Variants in TRAM1 observed in about 807,000 individuals in gnomAD.
TRAM1 encodes translocating chain-associated membrane protein 1.
TRAM1 carries 17 observed loss-of-function variants against 48.7 expected under a neutral mutation model. The ratio of observed to expected loss-of-function variants is 0.35; its 90% CI spans 0.24 to 0.52. TRAM1 has a LOEUF of 0.52. Among genes scored for constraint, TRAM1 ranks in the 20% least tolerant of loss-of-function variants. TRAM1 has a pLI of 0.94. For synonymous variants in TRAM1, 182 were observed against 154.0 expected, an observed-to-expected ratio of 1.18 and a Z score of -1.34; for missense variants, 351 against 441.5, an observed-to-expected ratio of 0.79 and a Z score of 1.84.
In TRAM1 at chr8:70,580,453, C is replaced by A. The variant is rs80000260; in HGVS notation, c.1051+2711G>T. On this transcript the variant is annotated intron_variant, in intron 10 of 10. Coordinates refer to ENST00000262213, the MANE Select transcript of TRAM1 (RefSeq NM_014294.6). ...AACAGAAAAAAATGACAAAACCCCACAAGGTTATCTCAATAGATGCAGGAA... is the reference window on the plus strand; with the variant it reads ...AACAGAAAAAAATGACAAAACCCCAAAAGGTTATCTCAATAGATGCAGGAA... Among the ~76,000 whole-genome samples the A allele has an allele frequency of 5.3e-3, 810 of 152,202 alleles. 10 individuals carry two copies. The highest frequency in any genetic ancestry group is 0.019 in the African/African-American group (777 of 41,540).
chr8:70,576,843 G>A (rs1274102600), intron 10 of TRAM1, among the ~76,000 whole-genome samples: 3 of 152,158 alleles, frequency 2.0e-5, no homozygotes, highest in Admixed American at 6.5e-5. Flanking sequence ...GTAGTTCTTC[G>A]GTGTTCAGGA....
chr8:70,576,920 C>T (rs1243066980), intron 10 of TRAM1, among the ~76,000 whole-genome samples: 2 of 152,160 alleles, frequency 1.3e-5, no homozygotes, highest in Non-Finnish European at 2.9e-5. Context: ...CTGCTCCTGG[C>T]GTCTGCTAGT....
At chr8:70,589,749 G>A (rs768328317) in intron 6 of TRAM1, among the ~76,000 whole-genome samples, 3 of 152,130 alleles carry the variant, frequency 2.0e-5, no homozygotes, top group Non-Finnish European at 4.4e-5. Flanking sequence ...GAAGTAGTAG[G>A]ATTGCTTAAG....
chr8:70,583,545 TC>T (rs1231085718), intron 9 of TRAM1, 104 bp downstream of exon 9: 8 of 1,455,578 alleles, frequency 5.5e-6, no homozygotes, highest in Non-Finnish European at 6.5e-6. Context: ...ATGAGTATTT[TC>T]CCCAACCTCA....
rs763446789 is a variant in TRAM1 at position 70,597,921 on chromosome 8, C to T, written c.400G>A (p.Val134Ile). ...QLSAFYLFACVWGTFILISEN... is the reference protein window; with the variant it reads ...QLSAFYLFACIWGTFILISEN... ...GAGATGAGAATGAATGTGCCCCAAA[C>T]ACAGGCAAAAAGGTAGAACGCACTA... The change falls in exon 4 of 11, where the codon GTT (valine) becomes ATT (isoleucine). Residue 134 changes from valine to isoleucine, a missense_variant. Transcript: ENST00000262213. 15 of 1,599,628 alleles carry T rather than the reference C, an allele frequency of 9.4e-6. No individual in the cohort carries two copies. Among genetic ancestry groups the T allele is most frequent in the Admixed American group, 1.7e-5 (1 of 59,584 alleles).
intron 9 of TRAM1, 21 bp from the exon 10 acceptor site, chr8:70,583,345 A>G: frequency 6.2e-7 from 1 of 1,606,846 alleles, no homozygotes; most frequent in Non-Finnish European, 8.5e-7. Context: ...TTAAGACATA[A>G]AAAGTTAGTG....
At chr8:70,589,829 A>G (rs1461895227) in intron 6 of TRAM1, among the ~76,000 whole-genome samples, 1 of 152,232 alleles carries the variant, frequency 6.6e-6, no homozygotes, top group Non-Finnish European at 1.5e-5. Flanking sequence ...TGGGTGATAG[A>G]GCAAGACCTT....
At chr8:70,597,166 A>G (rs977275674) in intron 4 of TRAM1, among the ~76,000 whole-genome samples, 6 of 152,336 alleles carry the variant, frequency 3.9e-5, no homozygotes, top group Non-Finnish European at 7.4e-5. Context: ...GATTGTTATC[A>G]CTAATATTAA....
intron 1 of TRAM1, chr8:70,607,141 G>A (rs2132051042): frequency 1.0e-6 from 1 of 984,672 alleles, no homozygotes; most frequent in Non-Finnish European, 1.2e-6. Context: ...AAAGGAATGA[G>A]CGTGTGTATT....
chr8:70,594,084 G>C (rs1482843983), intron 6 of TRAM1, among the ~76,000 whole-genome samples: 1 of 152,010 alleles, frequency 6.6e-6, no homozygotes, highest in East Asian at 1.9e-4. Flanking sequence ...TTCCAATACT[G>C]AATTTTGCTT....
At chr8:70,606,065 C>T (rs1817711952) in intron 1 of TRAM1, among the ~76,000 whole-genome samples, 1 of 152,132 alleles carries the variant, frequency 6.6e-6, no homozygotes, top group Non-Finnish European at 1.5e-5. Context: ...GGAATTCTTA[C>T]CATGTGGAGA....
At chr8:70,581,632 A>T (rs1255466782) in intron 10 of TRAM1, among the ~76,000 whole-genome samples, 1 of 152,226 alleles carries the variant, frequency 6.6e-6, no homozygotes, top group Non-Finnish European at 1.5e-5. Context: ...GAGAATGAAA[A>T]CACATGTTTG....
chr8:70,599,404 GCTAGTTAA>G (rs1300004694), intron 2 of TRAM1, among the ~76,000 whole-genome samples: 1 of 152,144 alleles, frequency 6.6e-6, no homozygotes, highest in East Asian at 1.9e-4. Context: ...CCTCACCCAT[GCTAGTTAA>G]TTATATCACT....
intron 1 of TRAM1, among the ~76,000 whole-genome samples, chr8:70,600,580 C>T (rs1460123567): frequency 6.6e-6 from 1 of 152,108 alleles, no homozygotes; most frequent in African/African-American, 2.4e-5. Context: ...TAAAAGTAAA[C>T]TGGTCAGAGC....
rs1043024 is a variant in TRAM1, at chr8:70,573,851, G to A, written c.*1081C>T. 0.068 allele frequency: 10,289 copies of A among 151,870 alleles called. 510 individuals are homozygous for A. Among genetic ancestry groups the A allele is most frequent in the Non-Finnish European group, 0.094 (6,414 of 67,878 alleles). 9.4% of individuals were successfully genotyped at this position (151,870 alleles called of 1,614,324 possible). ...ATGCTTTTTAGAGCCTTTCTGTAGA[G>A]ATACAAATATATATATATATATTTA... On this transcript the variant is annotated 3_prime_UTR_variant, in exon 11 of 11. Transcript: ENST00000262213.
intron 10 of TRAM1, among the ~76,000 whole-genome samples, chr8:70,575,299 TAAAG>T (rs550305596): frequency 4.3e-4 from 65 of 152,342 alleles, no homozygotes; most frequent in Middle Eastern, 6.8e-3. Flanking sequence ...TCTGTAGAAA[TAAAG>T]AAACTTTTCA....
intron 1 of TRAM1, among the ~76,000 whole-genome samples, chr8:70,601,949 C>T (rs1422474031): frequency 6.6e-6 from 1 of 151,996 alleles, no homozygotes; most frequent in Non-Finnish European, 1.5e-5. Flanking sequence ...ATACATAAAT[C>T]ATATATGGAG....
chr8:70,584,328 G>A (rs1169387055), intron 8 of TRAM1, among the ~76,000 whole-genome samples: 3 of 152,146 alleles, frequency 2.0e-5, no homozygotes, highest in African/African-American at 7.2e-5. Flanking sequence ...GTGTTATAAA[G>A]AACAGGATGC....
chr8:70,592,578 G>A (rs1178780873), intron 6 of TRAM1, among the ~76,000 whole-genome samples: 1 of 152,180 alleles, frequency 6.6e-6, no homozygotes, highest in African/African-American at 2.4e-5. Flanking sequence ...GGCAGGAACT[G>A]ATAAGAAAAG....
Sources: allele counts gnomAD v4.1 joint callset (sites outside exome capture counted in the v4.1 genomes callset), GRCh38; gene constraint gnomAD v4.1.1; transcripts MANE v1.5; gene names NCBI Gene and HGNC (gene_info 2026-07-23, HGNC 2026-07-21).